SYN3: variants seen among roughly 807,000 people sequenced by gnomAD.
SYN3 encodes synapsin III.
SYN3 carries 35 observed loss-of-function variants against 65.8 expected under a neutral mutation model. The observed-to-expected ratio is 0.53, with a 90% confidence interval of 0.41 to 0.70. The LOEUF (loss-of-function observed/expected upper bound fraction) is 0.70. SYN3 is among the 30% of genes least tolerant of loss of function. SYN3 has a pLI of 0.00. For synonymous variants in SYN3, 270 were observed against 292.9 expected (o/e 0.92, Z 0.80); for missense variants, 680 against 749.0 (o/e 0.91, Z 1.08).
intron 4 of SYN3, among the ~76,000 whole-genome samples, chr22:32,902,131 C>T (rs904579076): frequency 6.6e-6 from 1 of 152,232 alleles, no homozygotes; most frequent in African/African-American, 2.4e-5. Context: ...TTCCAGGCAG[C>T]CCCCTAGGTG....
At chr22:32,533,112 G>A (rs1328738465) in intron 10 of SYN3, among the ~76,000 whole-genome samples, 1 of 151,960 alleles carries the variant, frequency 6.6e-6, no homozygotes, top group Non-Finnish European at 1.5e-5. Flanking sequence ...GGGGATGGGA[G>A]GACTATAGGA....
chr22:33,015,630 G>A (rs1411653213), intron 1 of SYN3, among the ~76,000 whole-genome samples: 1 of 152,120 alleles, frequency 6.6e-6, no homozygotes, highest in Non-Finnish European at 1.5e-5. Context: ...CATACTGAGA[G>A]ATTTATCAGC....
At chr22:32,848,984 A>C (rs931222323) in intron 6 of SYN3, among the ~76,000 whole-genome samples, 1 of 152,164 alleles carries the variant, frequency 6.6e-6, no homozygotes, top group African/African-American at 2.4e-5. Flanking sequence ...TAGACATGTC[A>C]AGATGTGGTG....
chr22:32,727,047 G>A (rs78038115), intron 6 of SYN3, among the ~76,000 whole-genome samples: 3,700 of 151,142 alleles, frequency 0.024, 74 homozygotes, highest in South Asian at 0.054. Flanking sequence ...CCTTACATAC[G>A]TGGCCATGGT....
intron 1 of SYN3, among the ~76,000 whole-genome samples, chr22:33,054,397 T>G (rs1262662811): frequency 6.6e-6 from 1 of 152,250 alleles, no homozygotes; most frequent in East Asian, 1.9e-4. Flanking sequence ...TTTGTTTGTT[T>G]TTTTAATTAG....
chr22:32,694,144 T>C (rs991215503), intron 6 of SYN3, among the ~76,000 whole-genome samples: 54 of 152,290 alleles, frequency 3.5e-4, no homozygotes, highest in African/African-American at 1.2e-3. Flanking sequence ...GTTTATAGTC[T>C]GGTTTTCATT....
rs1011364221 is a variant in SYN3, at chr22:32,781,812, G to A, written c.711+83103C>T. On this transcript the variant is annotated intron_variant, in intron 6 of 13. Transcript: ENST00000358763. Reference sequence around the variant, plus strand: ...TCCAGGACTGCCTTAGGATTCTTGGGCACAGAGAATTGGATTACTGAGTAG... The same window carrying A: ...TCCAGGACTGCCTTAGGATTCTTGGACACAGAGAATTGGATTACTGAGTAG... Among the ~76,000 whole-genome samples, 6 of 151,788 alleles carry A rather than the reference G, an allele frequency of 4.0e-5. 1 individual carries two copies. Among genetic ancestry groups the A allele is most frequent in the African/African-American group, 1.5e-4 (6 of 41,334 alleles).
At chr22:32,616,858 C>T (rs1348412194) in intron 6 of SYN3, among the ~76,000 whole-genome samples, 1 of 152,138 alleles carries the variant, frequency 6.6e-6, no homozygotes, top group Non-Finnish European at 1.5e-5. Flanking sequence ...GAAATTTGCA[C>T]TGGGCTTTGC....
At chr22:32,902,418 G>A (rs2049785332) in intron 4 of SYN3, among the ~76,000 whole-genome samples, 1 of 152,200 alleles carries the variant, frequency 6.6e-6, no homozygotes, top group Admixed American at 6.5e-5. Context: ...GGCAACATGG[G>A]TATTCCAGGC....
At chr22:32,768,255 T>G (rs377581184) in intron 6 of SYN3, among the ~76,000 whole-genome samples, 2 of 152,328 alleles carry the variant, frequency 1.3e-5, no homozygotes, top group South Asian at 2.1e-4. Flanking sequence ...TTGGTCTCCC[T>G]GAATAACTTT....
chr22:32,585,666 G>A (rs1159786451), intron 7 of SYN3, among the ~76,000 whole-genome samples: 1 of 152,076 alleles, frequency 6.6e-6, no homozygotes, highest in Non-Finnish European at 1.5e-5. Flanking sequence ...TTAGCTTTAA[G>A]TTCTTGTAAG....
At chr22:32,637,282 G>C (rs1160151573) in intron 6 of SYN3, among the ~76,000 whole-genome samples, 2 of 152,142 alleles carry the variant, frequency 1.3e-5, no homozygotes, top group Non-Finnish European at 2.9e-5. Flanking sequence ...TAACATCTCT[G>C]TGCCTCAGTT....
chr22:32,905,962 T>C (rs1189484162), intron 4 of SYN3, among the ~76,000 whole-genome samples: 3 of 152,174 alleles, frequency 2.0e-5, no homozygotes, highest in African/African-American at 4.8e-5. Context: ...TTTGGTATCA[T>C]TGGCAGAGCC....
At position 33,035,340 on chromosome 22, in the gene SYN3, CCCCCG is replaced by C. The variant is rs201592396; in HGVS notation, c.-163+22947_-163+22951del. Among the ~76,000 whole-genome samples, 645 of 107,470 alleles carry C rather than the reference CCCCCG, an allele frequency of 6.0e-3. 23 individuals are homozygous for C. The highest frequency in any genetic ancestry group is 0.022 in the African/African-American group (626 of 28,942). 70.5% of individuals were successfully genotyped at this position (107,470 alleles called of 152,430 possible). Reference sequence around the variant, plus strand: ...ATTAAAAATCTCGGGACCCCCCCCCCCCCCGCCACCAAACTTCTTATGCAAAAGGG... The same window carrying C: ...ATTAAAAATCTCGGGACCCCCCCCCCCCACCAAACTTCTTATGCAAAAGGG... On this transcript the variant is annotated intron_variant, in intron 1 of 13. Transcript: ENST00000358763.
intron 7 of SYN3, among the ~76,000 whole-genome samples, chr22:32,581,764 CT>C (rs796082325): frequency 6.7e-5 from 7 of 104,342 alleles, no homozygotes; most frequent in Non-Finnish European, 1.6e-4. Context: ...TTTTCTTTTT[CT>C]TTTTCTTTTC....
intron 1 of SYN3, among the ~76,000 whole-genome samples, chr22:33,039,685 C>T (rs950794252): frequency 2.6e-5 from 4 of 152,124 alleles, no homozygotes; most frequent in Non-Finnish European, 4.4e-5. Context: ...GGATTACGGG[C>T]GTGAGCCACC....
At chr22:32,860,762 C>T (rs1246664815) in intron 6 of SYN3, 1 of 152,096 alleles carries the variant, frequency 6.6e-6, no homozygotes, top group Non-Finnish European at 1.5e-5. Context: ...GCTGGAGGGA[C>T]ACCTCTCCTG....
intron 6 of SYN3, among the ~76,000 whole-genome samples, chr22:32,845,350 G>A (rs1211535543): frequency 6.6e-6 from 1 of 151,926 alleles, no homozygotes; most frequent in Non-Finnish European, 1.5e-5. Context: ...GCGGCCCCAT[G>A]CCCAGCTAAT....
intron 6 of SYN3, among the ~76,000 whole-genome samples, chr22:32,727,348 A>T (rs2061209977): frequency 6.6e-6 from 1 of 152,208 alleles, no homozygotes; most frequent in East Asian, 1.9e-4. Flanking sequence ...ATATTATTCC[A>T]TGGTGTATAT....
Sources: allele counts gnomAD v4.1 joint callset (sites outside exome capture counted in the v4.1 genomes callset), GRCh38; gene constraint gnomAD v4.1.1; transcripts MANE v1.5; gene names NCBI Gene and HGNC (gene_info 2026-07-23, HGNC 2026-07-21).